Variants in MAGI2 observed in about 807,000 individuals in gnomAD.
MAGI2 encodes the protein membrane-associated guanylate kinase, WW and PDZ domain-containing protein 2.
A neutral mutation model predicts 133.3 loss-of-function variants in MAGI2; 35 were observed. The observed-to-expected ratio is 0.26, with a 90% confidence interval of 0.20 to 0.35. MAGI2 has a LOEUF of 0.35. Ranked by LOEUF, MAGI2 falls within the 10% of genes least tolerant of loss-of-function variation. The pLI is 1.00. For synonymous variants in MAGI2, 729 were observed against 710.6 expected (o/e 1.03, Z -0.41); for missense variants, 1,636 against 1,863.4 (o/e 0.88, Z 2.25).
chr7:79,071,343 C>T (rs569541673), intron 1 of MAGI2, among the ~76,000 whole-genome samples: 2 of 152,132 alleles, frequency 1.3e-5, no homozygotes, highest in South Asian at 2.1e-4. Context: ...GGGGCACCCC[C>T]CCAGATGCCA....
intron 9 of MAGI2, among the ~76,000 whole-genome samples, chr7:78,319,371 G>A (rs1234896450): frequency 2.0e-5 from 3 of 152,070 alleles, no homozygotes; most frequent in East Asian, 1.9e-4. Context: ...AATTGACCAC[G>A]TGATTGGAAG....
chr7:78,891,647 A>T (rs914389856), intron 2 of MAGI2, among the ~76,000 whole-genome samples: 1 of 152,238 alleles, frequency 6.6e-6, no homozygotes, highest in Non-Finnish European at 1.5e-5. Flanking sequence ...ATCTCAATAG[A>T]TGCAGAAAAG....
chr7:78,841,077 C>A (rs1466297987), intron 2 of MAGI2, among the ~76,000 whole-genome samples: 1 of 151,922 alleles, frequency 6.6e-6, no homozygotes, highest in African/African-American at 2.4e-5. Flanking sequence ...GAAAATAGTT[C>A]TCTATGACAC....
chr7:78,269,339 T>C (rs989464163), intron 9 of MAGI2, among the ~76,000 whole-genome samples: 3 of 152,216 alleles, frequency 2.0e-5, no homozygotes, highest in Non-Finnish European at 2.9e-5. Flanking sequence ...TTTCTAGTTC[T>C]AGATCCTTGA....
intron 21 of MAGI2, among the ~76,000 whole-genome samples, chr7:78,030,210 C>T (rs1809419924): frequency 6.6e-6 from 1 of 152,184 alleles, no homozygotes; most frequent in South Asian, 2.1e-4. Flanking sequence ...ATGAAATAAT[C>T]TATATGGATG....
At chr7:78,152,627 T>C (rs1823998745) in intron 16 of MAGI2, among the ~76,000 whole-genome samples, 1 of 152,268 alleles carries the variant, frequency 6.6e-6, no homozygotes, top group Admixed American at 6.5e-5. Context: ...GCATAGATGA[T>C]GAATACAGTC....
At chr7:78,270,855 T>C (rs1377737597) in intron 9 of MAGI2, among the ~76,000 whole-genome samples, 1 of 152,142 alleles carries the variant, frequency 6.6e-6, no homozygotes, top group Non-Finnish European at 1.5e-5. Context: ...CAGCAACACG[T>C]CTTATTTATT....
chr7:78,615,884 C>G (rs1013636222), intron 3 of MAGI2: 1 of 152,006 alleles, frequency 6.6e-6, no homozygotes, highest in African/African-American at 2.4e-5. Context: ...TGAAAGGAAT[C>G]AAACTTTCAC....
chr7:78,696,088 G>A (rs1817485334), intron 2 of MAGI2, among the ~76,000 whole-genome samples: 1 of 152,016 alleles, frequency 6.6e-6, no homozygotes, highest in Non-Finnish European at 1.5e-5. Flanking sequence ...GGCAGGCACT[G>A]CCATGCCTGG....
chr7:78,184,781 A>T (rs942877266), intron 13 of MAGI2: 3 of 152,242 alleles, frequency 2.0e-5, no homozygotes, highest in Non-Finnish European at 4.4e-5. Flanking sequence ...CTTTTAAGCA[A>T]ATTAATTGGT....
chr7:79,086,950 T>G (rs1295474356), intron 1 of MAGI2, among the ~76,000 whole-genome samples: 1 of 151,798 alleles, frequency 6.6e-6, no homozygotes, highest in East Asian at 1.9e-4. Flanking sequence ...AATATTAATA[T>G]TTATTAAGGC....
intron 3 of MAGI2, among the ~76,000 whole-genome samples, chr7:78,535,345 A>C (rs1315257332): frequency 6.6e-6 from 1 of 152,192 alleles, no homozygotes; most frequent in Non-Finnish European, 1.5e-5. Flanking sequence ...AATTTCCAAG[A>C]AATAAAAGGA....
intron 2 of MAGI2, chr7:78,946,998 G>A (rs1801469518): frequency 6.6e-6 from 1 of 152,040 alleles, no homozygotes; most frequent in Non-Finnish European, 1.5e-5. Flanking sequence ...TACCTATTCA[G>A]TAGCTAAAAT....
At chr7:78,970,191 G>A (rs965181355) in intron 2 of MAGI2, among the ~76,000 whole-genome samples, 37 of 152,102 alleles carry the variant, frequency 2.4e-4, no homozygotes, top group African/African-American at 8.4e-4. Context: ...TAAGAAAACT[G>A]TGACCTACAC....
At chr7:79,226,420 T>C (rs1178299049) in intron 1 of MAGI2, among the ~76,000 whole-genome samples, 1 of 152,172 alleles carries the variant, frequency 6.6e-6, no homozygotes, top group Non-Finnish European at 1.5e-5. Flanking sequence ...ATTTCCAGAA[T>C]ATATAATCTT....
chr7:78,696,219 T>C (rs1817499298), intron 2 of MAGI2, among the ~76,000 whole-genome samples: 2 of 152,186 alleles, frequency 1.3e-5, no homozygotes, highest in Admixed American at 1.3e-4. Flanking sequence ...ATTACAGGCA[T>C]GAACCACTGC....
chr7:78,697,879 T>C (rs1448992257), intron 2 of MAGI2, among the ~76,000 whole-genome samples: 1 of 152,196 alleles, frequency 6.6e-6, no homozygotes, highest in Non-Finnish European at 1.5e-5. Flanking sequence ...ACTATAGTTA[T>C]TTTCTTCCAG....
At chr7:78,244,396 A>G (rs1022211247) in intron 10 of MAGI2, among the ~76,000 whole-genome samples, 1 of 152,062 alleles carries the variant, frequency 6.6e-6, no homozygotes, top group Non-Finnish European at 1.5e-5. Flanking sequence ...GAAGAAATTG[A>G]AAAGTTCTAA....
chr7:78,087,093 C>G (rs1014484363), intron 20 of MAGI2, among the ~76,000 whole-genome samples: 1 of 152,182 alleles, frequency 6.6e-6, no homozygotes, highest in African/African-American at 2.4e-5. Flanking sequence ...ATCATCCAGA[C>G]AGCCTTTTAT....
Sources: gnomAD v4.1 joint callset for allele counts (sites outside exome capture counted in the v4.1 genomes callset) on GRCh38, gnomAD v4.1.1 for gene constraint, MANE v1.5 for transcripts, NCBI Gene and HGNC (gene_info 2026-07-23, HGNC 2026-07-21) for gene names.